The following TMEFF2 variants were observed in gnomAD, a reference collection of about 807,000 sequenced individuals.
TMEFF2 encodes the protein tomoregulin-2.
In TMEFF2, 28 loss-of-function variants were observed where a neutral mutation model predicts 53.8. That is an observed-to-expected ratio of 0.52 (90% CI 0.39 to 0.71). The LOEUF (loss-of-function observed/expected upper bound fraction) is 0.71. Ranked by LOEUF, TMEFF2 falls within the 30% of genes least tolerant of loss-of-function variation. TMEFF2 has a pLI of 0.00. For synonymous variants in TMEFF2, 162 were observed against 166.3 expected (o/e 0.97, Z 0.20); for missense variants, 353 against 455.2 (o/e 0.78, Z 2.04).
chr2:192,119,962 T>C (rs903642761), intron 4 of TMEFF2, among the ~76,000 whole-genome samples: 23 of 152,206 alleles, frequency 1.5e-4, no homozygotes, highest in African/African-American at 5.5e-4. Context: ...GACCCTGTTC[T>C]AGAGAATAAC....
chr2:192,171,437 ATCT>A (rs1485089797), intron 4 of TMEFF2, among the ~76,000 whole-genome samples: 1 of 151,862 alleles, frequency 6.6e-6, no homozygotes, highest in East Asian at 1.9e-4. Flanking sequence ...AGCCAGAGTG[ATCT>A]TCTAAAATCA....
intron 5 of TMEFF2, among the ~76,000 whole-genome samples, chr2:192,039,368 G>A (rs1245070577): frequency 6.6e-6 from 1 of 152,122 alleles, no homozygotes; most frequent in Non-Finnish European, 1.5e-5. Flanking sequence ...AATTATAATT[G>A]CTAGGCCCAA....
At position 192,098,733 on chromosome 2, in the gene TMEFF2, T is replaced by A. The variant is rs183891818; in HGVS notation, c.440-40958A>T. Reference sequence around the variant, plus strand: ...TTTCTCTCCTGGGTAAAATGGTACCTCCAGGAAGGACAGCAGGATGGCTAA... The same window carrying A: ...TTTCTCTCCTGGGTAAAATGGTACCACCAGGAAGGACAGCAGGATGGCTAA... On this transcript the variant is annotated intron_variant, in intron 4 of 9. Coordinates refer to ENST00000272771, the MANE Select transcript of TMEFF2 (RefSeq NM_016192.4). Among the ~76,000 whole-genome samples the A allele has an allele frequency of 1.1e-3, 165 of 152,286 alleles. No individual in the cohort carries two copies. The Middle Eastern group carries it at 0.014, about 13-fold the overall frequency.
intron 4 of TMEFF2, among the ~76,000 whole-genome samples, chr2:192,110,454 TG>T (rs1161028470): frequency 6.6e-6 from 1 of 152,214 alleles, no homozygotes; most frequent in Non-Finnish European, 1.5e-5. Context: ...TGTTTTTAGC[TG>T]ATATCCTTCA....
intron 4 of TMEFF2, among the ~76,000 whole-genome samples, chr2:192,113,472 G>C (rs1689331637): frequency 6.7e-6 from 1 of 149,180 alleles, no homozygotes; most frequent in South Asian, 2.1e-4. Context: ...AAAGTAAATA[G>C]ATAGATAGAT....
At chr2:192,051,766 G>A (rs1489144644) in intron 5 of TMEFF2, among the ~76,000 whole-genome samples, 2 of 152,146 alleles carry the variant, frequency 1.3e-5, no homozygotes, top group African/African-American at 4.8e-5. Context: ...ATGACAGGGA[G>A]CTTTCTCAGA....
intron 5 of TMEFF2, among the ~76,000 whole-genome samples, chr2:192,005,380 G>A (rs573503245): frequency 6.6e-6 from 1 of 152,268 alleles, no homozygotes; most frequent in Non-Finnish European, 1.5e-5. Context: ...ATTTAGAAGT[G>A]CCTTGTCATC....
chr2:192,123,535 T>C (rs1251012011), intron 4 of TMEFF2, among the ~76,000 whole-genome samples: 1 of 152,194 alleles, frequency 6.6e-6, no homozygotes, highest in Non-Finnish European at 1.5e-5. Context: ...AGATGATCTA[T>C]ATTAGGAGGA....
At chr2:192,045,711 G>A (rs1213793474) in intron 5 of TMEFF2, among the ~76,000 whole-genome samples, 1 of 152,148 alleles carries the variant, frequency 6.6e-6, no homozygotes, top group African/African-American at 2.4e-5. Flanking sequence ...TTCTTAATCT[G>A]CTAGAAGCAG....
At chr2:192,082,519 C>CT (rs1225956218) in intron 4 of TMEFF2, among the ~76,000 whole-genome samples, 1 of 152,140 alleles carries the variant, frequency 6.6e-6, no homozygotes, top group Non-Finnish European at 1.5e-5. Flanking sequence ...CATTTTGTCA[C>CT]TTTTTTTCAT....
chr2:192,179,366 C>T, intron 4 of TMEFF2: 1 of 317,284 alleles, frequency 3.2e-6, no homozygotes, highest in Non-Finnish European at 5.8e-6. Flanking sequence ...AATATGCTTA[C>T]ATGCTTCTCT....
intron 3 of TMEFF2, among the ~76,000 whole-genome samples, chr2:192,181,813 C>T (rs1691191386): frequency 6.6e-6 from 1 of 151,350 alleles, no homozygotes; most frequent in African/African-American, 2.4e-5. Context: ...TTTGATTTGA[C>T]ACAAATGAAA....
chr2:191,969,271 C>G (rs1393978189), intron 7 of TMEFF2, among the ~76,000 whole-genome samples: 2 of 151,988 alleles, frequency 1.3e-5, no homozygotes, highest in Admixed American at 6.6e-5. Flanking sequence ...TGTTTGGCAG[C>G]TACTTCTACC....
chr2:192,021,637 C>T (rs914653237), intron 5 of TMEFF2, among the ~76,000 whole-genome samples: 2 of 152,042 alleles, frequency 1.3e-5, no homozygotes, highest in Non-Finnish European at 2.9e-5. Flanking sequence ...ACTCCATGTG[C>T]CATAACTAAG....
intron 5 of TMEFF2, among the ~76,000 whole-genome samples, chr2:192,049,585 T>G (rs1232761565): frequency 6.6e-6 from 1 of 152,040 alleles, no homozygotes; most frequent in African/African-American, 2.4e-5. Flanking sequence ...TGCTAGAAAC[T>G]GAGACATGAA....
chr2:192,142,623 A>G (rs1019844101), intron 4 of TMEFF2, among the ~76,000 whole-genome samples: 5 of 152,168 alleles, frequency 3.3e-5, no homozygotes, highest in Non-Finnish European at 7.4e-5. Context: ...CTTGTGAACC[A>G]TAAAGAAGTG....
chr2:191,969,960 A>T (rs1692587413), intron 7 of TMEFF2, among the ~76,000 whole-genome samples: 1 of 152,230 alleles, frequency 6.6e-6, no homozygotes, highest in Admixed American at 6.5e-5. Context: ...TTGCTAAAAA[A>T]TAACTTCCAA....
chr2:192,024,843 T>C (rs1174560278), intron 5 of TMEFF2, among the ~76,000 whole-genome samples: 1 of 152,230 alleles, frequency 6.6e-6, no homozygotes, highest in Non-Finnish European at 1.5e-5. Context: ...GACTGGACTA[T>C]GAGAAGAATA....
intron 4 of TMEFF2, among the ~76,000 whole-genome samples, chr2:192,075,575 A>G (rs1287542211): frequency 6.6e-6 from 1 of 151,500 alleles, no homozygotes; most frequent in Non-Finnish European, 1.5e-5. Context: ...ATTAAAGCAA[A>G]ACGAAGGCAT....
Sources: gnomAD v4.1 joint callset for allele counts (sites outside exome capture counted in the v4.1 genomes callset) on GRCh38, gnomAD v4.1.1 for gene constraint, MANE v1.5 for transcripts, NCBI Gene and HGNC (gene_info 2026-07-23, HGNC 2026-07-21) for gene names.